Variants in TRPS1 observed in about 807,000 individuals in gnomAD.
The protein encoded by TRPS1 is transcriptional repressor GATA binding 1.
TRPS1 carries 6 observed loss-of-function variants against 101.2 expected under a neutral mutation model. The observed-to-expected ratio is 0.06, with a 90% confidence interval of 0.03 to 0.12. The LOEUF is 0.12. TRPS1 is among the 10% of genes least tolerant of loss of function. The pLI is 1.00. For missense variants in TRPS1, 1,363 were observed against 1,567.0 expected (o/e 0.87, Z 2.20); for synonymous variants, 578 against 589.8 (o/e 0.98, Z 0.29).
chr8:115,491,662 A>C (rs1001648442), intron 5 of TRPS1, among the ~76,000 whole-genome samples: 5 of 151,726 alleles, frequency 3.3e-5, no homozygotes, highest in African/African-American at 1.2e-4. Context: ...GGAAGAAAGA[A>C]AGAAGAAAGA....
rs892225677 is a variant in TRPS1 at position 115,619,551 on chromosome 8, C to G, written c.547G>C (p.Gly183Arg). The G allele has an allele frequency of 6.2e-7, 1 of 1,614,008 alleles. No individual in the cohort carries two copies. The highest frequency in any genetic ancestry group is 1.3e-5 in the African/African-American group (1 of 74,890). The part of the protein sequence containing the change: ...ATEETGQAQS[G>R]QANCQGLSPV... ...CTCAAACCTTGACAATTGGCTTGAC[C>G]ACTCTGTGCTTGCCCTGTTTCCTCT... Residue 183 changes from glycine (G) to arginine (R), a missense_variant, in exon 3 of 7, where the codon GGT becomes CGT. Physicochemically the swap from Gly to Arg is moderately radical, Grantham distance 125. Around this residue, in one of 5 missense-constraint regions of TRPS1, gnomAD observed 1,020 missense variants for 1,073.0 expected, o/e 0.95. Transcript: ENST00000395715.
chr8:115,411,268 CTAT>C lies in TRPS1; in HGVS notation c.*2752_*2754del, dbSNP rs886062612. 8.6e-5 allele frequency: 13 copies of C among 151,674 alleles called. No individual in the cohort carries two copies. Among genetic ancestry groups the C allele is most frequent in the Admixed American group, 7.3e-4 (11 of 15,170 alleles). 9.4% of individuals were successfully genotyped at this position (151,674 alleles called of 1,614,324 possible). On this transcript the variant is annotated 3_prime_UTR_variant, in exon 7 of 7. Coordinates refer to ENST00000395715, the MANE Select transcript of TRPS1 (RefSeq NM_014112.5). ...TATTTTCCAATGCTAGTCGTTACTA[CTAT>C]GTCTGTCTGAGAAAAAAAAAAAATT... is the stretch of plus-strand genomic sequence containing the variant.
chr8:115,505,124 A>C (rs566034829), intron 5 of TRPS1, among the ~76,000 whole-genome samples: 2 of 152,250 alleles, frequency 1.3e-5, no homozygotes, highest in Admixed American at 6.5e-5. Context: ...GAATTCTCTG[A>C]ATGTTGTCAT....
At chr8:115,518,192 G>C (rs1815768924) in intron 5 of TRPS1, among the ~76,000 whole-genome samples, 1 of 151,774 alleles carries the variant, frequency 6.6e-6, no homozygotes, top group South Asian at 2.1e-4. Context: ...AAATTTGATG[G>C]GAAGTGTTTC....
chr8:115,557,834 G>A (rs1296997320), intron 5 of TRPS1, among the ~76,000 whole-genome samples: 2 of 152,038 alleles, frequency 1.3e-5, no homozygotes, highest in Non-Finnish European at 2.9e-5. Context: ...CATCCCAATA[G>A]CACCACATGT....
intron 5 of TRPS1, among the ~76,000 whole-genome samples, chr8:115,473,286 C>A (rs2170741): frequency 3.9e-5 from 6 of 151,994 alleles, no homozygotes; most frequent in Non-Finnish European, 7.4e-5. Context: ...GTTCTTCTTC[C>A]CATGATGGCG....
intron 5 of TRPS1, among the ~76,000 whole-genome samples, chr8:115,545,547 A>T (rs1816549916): frequency 6.6e-6 from 1 of 152,190 alleles, no homozygotes; most frequent in African/African-American, 2.4e-5. Context: ...CAAGGCATTC[A>T]ATGGTGTCAA....
At chr8:115,570,583 A>C (rs1305385801) in intron 5 of TRPS1, among the ~76,000 whole-genome samples, 1 of 152,016 alleles carries the variant, frequency 6.6e-6, no homozygotes. Context: ...AAATTAAAAG[A>C]ACTAGTATTT....
At chr8:115,541,481 C>G (rs1177280957) in intron 5 of TRPS1, among the ~76,000 whole-genome samples, 2 of 152,162 alleles carry the variant, frequency 1.3e-5, no homozygotes, top group East Asian at 3.8e-4. Flanking sequence ...AAAGTAACCT[C>G]TCTTTGTAGA....
chr8:115,668,028 A>T, intron 1 of TRPS1: 6 of 796,076 alleles, frequency 7.5e-6, no homozygotes, highest in African/African-American at 1.7e-5. Context: ...AGAAAGAGAC[A>T]GCGAGGGGGA....
At chr8:115,605,070 G>C in intron 3 of TRPS1, 68 bp from the exon 4 acceptor site, 2 of 1,465,232 alleles carry the variant, frequency 1.4e-6, no homozygotes, top group Non-Finnish European at 1.9e-6. Context: ...CTGCAGGGGA[G>C]GGGGAGGGTA....
At chr8:115,470,752 C>G (rs940897565) in intron 5 of TRPS1, among the ~76,000 whole-genome samples, 2 of 152,064 alleles carry the variant, frequency 1.3e-5, no homozygotes, top group Non-Finnish European at 2.9e-5. Context: ...AAGTTAGAAA[C>G]TAACATATCA....
At chr8:115,467,461 T>C (rs1400879128) in intron 5 of TRPS1, among the ~76,000 whole-genome samples, 2 of 152,146 alleles carry the variant, frequency 1.3e-5, no homozygotes, top group Non-Finnish European at 2.9e-5. Flanking sequence ...GTATCTCTAT[T>C]TTGCCTTTTG....
chr8:115,626,029 T>C (rs1363002931), intron 1 of TRPS1, among the ~76,000 whole-genome samples: 2 of 151,878 alleles, frequency 1.3e-5, no homozygotes, highest in African/African-American at 4.8e-5. Context: ...TGCTTGCTTG[T>C]ATACACATCA....
At chr8:115,609,888 AGAAGT>A (rs1317411250) in intron 3 of TRPS1, among the ~76,000 whole-genome samples, 1 of 152,250 alleles carries the variant, frequency 6.6e-6, no homozygotes, top group East Asian at 1.9e-4. Flanking sequence ...GTTTTACCGT[AGAAGT>A]GAAGAATATA....
chr8:115,414,505 G>C lies in TRPS1; in HGVS notation c.3403C>G (p.Pro1135Ala). 6.2e-7 allele frequency: 1 copy of C among 1,613,850 alleles called. No individual in the cohort carries two copies. The highest frequency in any genetic ancestry group is 1.3e-5 in the African/African-American group (1 of 75,000). ...RFWSKYKLSVPGNPHYLSHVP... is the reference protein window; with the variant it reads ...RFWSKYKLSVAGNPHYLSHVP... ...TGACTCAAGTAGTGCGGATTCCCAG[G>C]AACGGAGAGCTTATATTTACTCCAG... Residue 1135 changes from proline (P) to alanine (A), a missense_variant, in exon 7 of 7, where the codon CCT (proline) becomes GCT (alanine). Physicochemically the swap from Pro to Ala is conservative, Grantham distance 27 (BLOSUM62 -1). This residue lies in a region of TRPS1 where 307 missense variants were observed against 392.4 expected (regional missense o/e 0.78). Transcript: ENST00000395715. This position sits in a 1 kb window ranked among gnomAD's most constrained non-coding sequence, Gnocchi z 4.8.
intron 5 of TRPS1, among the ~76,000 whole-genome samples, chr8:115,523,880 GT>G (rs1201396344): frequency 1.3e-5 from 2 of 152,078 alleles, no homozygotes; most frequent in East Asian, 3.9e-4. Flanking sequence ...GGCTGACAAG[GT>G]TACTGCCAAA....
chr8:115,660,017 AT>A (rs929460123), intron 1 of TRPS1, among the ~76,000 whole-genome samples: 6 of 151,994 alleles, frequency 3.9e-5, no homozygotes, highest in Non-Finnish European at 7.4e-5. Context: ...GAAGCCACAA[AT>A]TCATATATTC....
Position 115,411,046 on chromosome 8 carries a change from G to A in TRPS1, c.*2977C>T, listed in dbSNP as rs1812777365. 6.6e-6 allele frequency: 1 copy of A among 151,694 alleles called. No individual in the cohort carries two copies. The highest frequency in any genetic ancestry group is 1.5e-5 in the Non-Finnish European group (1 of 67,878). 9.4% of individuals were successfully genotyped at this position (151,694 alleles called of 1,614,324 possible). On this transcript the variant is annotated 3_prime_UTR_variant, in exon 7 of 7. Coordinates refer to ENST00000395715, the MANE Select transcript of TRPS1 (RefSeq NM_014112.5). ...ATATGTCAAAAAAGGAGTGTTTAGT[G>A]TTATAATAAATTTTTGTCTCTTTCA...
Sources: allele counts gnomAD v4.1 joint callset (sites outside exome capture counted in the v4.1 genomes callset), GRCh38; gene constraint gnomAD v4.1.1; regional missense constraint gnomAD v4.1.1; non-coding constraint Gnocchi (gnomAD v3.1); transcripts MANE v1.5; gene names NCBI Gene and HGNC (gene_info 2026-07-23, HGNC 2026-07-21).